Variants in SEMA5A observed in about 807,000 individuals in gnomAD.
The protein encoded by SEMA5A is semaphorin 5A.
A neutral mutation model predicts 135.5 loss-of-function variants in SEMA5A; 55 were observed. That is an observed-to-expected ratio of 0.41 (90% CI 0.33 to 0.51). The LOEUF is 0.51. Ranked by LOEUF, SEMA5A falls within the 20% of genes least tolerant of loss-of-function variation. SEMA5A has a pLI of 0.37. For missense variants in SEMA5A, 1,290 were observed against 1,419.9 expected (o/e 0.91, Z 1.47); for synonymous variants, 580 against 546.5 (o/e 1.06, Z -0.85).
intron 12 of SEMA5A, among the ~76,000 whole-genome samples, chr5:9,145,737 C>A (rs1453504272): frequency 6.8e-6 from 1 of 146,816 alleles, no homozygotes; most frequent in Non-Finnish European, 1.5e-5. Context: ...CTCCCTGGTT[C>A]AAGCAATTCC....
chr5:9,223,115 C>T (rs778101489), intron 8 of SEMA5A, among the ~76,000 whole-genome samples: 8 of 152,204 alleles, frequency 5.3e-5, no homozygotes, highest in Non-Finnish European at 7.3e-5. Context: ...ATAGAATCAA[C>T]TGATTCGGTT....
At chr5:9,428,618 T>G (rs976854811) in intron 2 of SEMA5A, among the ~76,000 whole-genome samples, 15 of 152,196 alleles carry the variant, frequency 9.9e-5, no homozygotes, top group African/African-American at 3.6e-4. Flanking sequence ...TTTGGTACAC[T>G]GTAAGTGATG....
rs1735882467 is a variant in SEMA5A at position 9,040,161 on chromosome 5, A to C, written c.*2736T>G. 1 of 152,242 alleles carries C rather than the reference A, an allele frequency of 6.6e-6. No homozygotes were observed. The highest frequency in any genetic ancestry group is 1.5e-5 in the Non-Finnish European group (1 of 68,052). 9.4% of individuals were successfully genotyped at this position (152,242 alleles called of 1,614,324 possible). A position where few individuals can be genotyped will look rare whatever the true frequency, so the allele number is the denominator to read the frequency against. On this transcript the variant is annotated 3_prime_UTR_variant, in exon 23 of 23. Coordinates refer to ENST00000382496, the MANE Select transcript of SEMA5A (RefSeq NM_003966.3). ...TGTACCAAGAAAATAGGAAGAAAGG[A>C]AGAATTAAAGAAAGAAGAAAGGAAA...
chr5:9,099,535 T>TAA (rs1739508527), intron 16 of SEMA5A, among the ~76,000 whole-genome samples: 1 of 152,184 alleles, frequency 6.6e-6, no homozygotes, highest in Non-Finnish European at 1.5e-5. Flanking sequence ...ACCTTCTTCA[T>TAA]AAAGGTCAAG....
At chr5:9,402,564 C>G (rs1406649975) in intron 2 of SEMA5A, among the ~76,000 whole-genome samples, 1 of 150,216 alleles carries the variant, frequency 6.7e-6, no homozygotes, top group Non-Finnish European at 1.5e-5. Context: ...TACCATCTAC[C>G]TGTCAAGGTT....
At chr5:9,531,725 G>A (rs1375084462) in intron 1 of SEMA5A, among the ~76,000 whole-genome samples, 1 of 152,172 alleles carries the variant, frequency 6.6e-6, no homozygotes, top group African/African-American at 2.4e-5. Context: ...GATACCGAGA[G>A]AGGAAAAACC....
chr5:9,114,659 G>A (rs1347761747), intron 15 of SEMA5A, among the ~76,000 whole-genome samples: 3 of 152,168 alleles, frequency 2.0e-5, no homozygotes, highest in Non-Finnish European at 2.9e-5. Context: ...AGTGTTGAAG[G>A]TGCTGCTTGG....
intron 4 of SEMA5A, among the ~76,000 whole-genome samples, chr5:9,335,951 G>T (rs1753370831): frequency 6.6e-6 from 1 of 152,070 alleles, no homozygotes; most frequent in Non-Finnish European, 1.5e-5. Flanking sequence ...TCTGATAAGG[G>T]TGACTTGTCA....
intron 16 of SEMA5A, among the ~76,000 whole-genome samples, chr5:9,105,702 G>A (rs1739875274): frequency 6.6e-6 from 1 of 152,144 alleles, no homozygotes; most frequent in African/African-American, 2.4e-5. Context: ...ATGACACTGA[G>A]ACTCAGAAAT....
intron 1 of SEMA5A, among the ~76,000 whole-genome samples, chr5:9,538,300 A>G (rs1737889287): frequency 6.6e-6 from 1 of 151,794 alleles, no homozygotes. Context: ...GGTGGGAAAC[A>G]CTCCCCTTTA....
At chr5:9,108,018 C>T in intron 16 of SEMA5A, 122 bp downstream of exon 16, 10 of 1,265,798 alleles carry the variant, frequency 7.9e-6, no homozygotes, top group Non-Finnish European at 1.1e-5. Flanking sequence ...TGCAGAGCCT[C>T]TAGTGTGTGC....
intron 21 of SEMA5A, among the ~76,000 whole-genome samples, chr5:9,046,126 T>C (rs1237372309): frequency 6.6e-6 from 1 of 152,214 alleles, no homozygotes; most frequent in Non-Finnish European, 1.5e-5. Context: ...CATGGGGTAC[T>C]GGCCTCATGT....
At chr5:9,147,376 G>A (rs141233452) in intron 12 of SEMA5A, among the ~76,000 whole-genome samples, 2,577 of 151,906 alleles carry the variant, frequency 0.017, 72 homozygotes, top group African/African-American at 0.058. Flanking sequence ...GGGTTTAAGC[G>A]ATTCTCCTGC....
intron 15 of SEMA5A, among the ~76,000 whole-genome samples, chr5:9,118,470 A>T (rs1427121226): frequency 1.3e-5 from 2 of 152,202 alleles, no homozygotes; most frequent in Non-Finnish European, 2.9e-5. Flanking sequence ...AAAGCTCAAA[A>T]TACACGTGGA....
chr5:9,241,648 T>C (rs901160434), intron 5 of SEMA5A, among the ~76,000 whole-genome samples: 6 of 151,796 alleles, frequency 4.0e-5, no homozygotes, highest in South Asian at 4.2e-4. Flanking sequence ...AAAGCCCCCA[T>C]TGTTTCAAGG....
intron 1 of SEMA5A, among the ~76,000 whole-genome samples, chr5:9,503,443 C>G (rs1424684766): frequency 6.6e-6 from 1 of 152,116 alleles, no homozygotes; most frequent in Admixed American, 6.5e-5. Context: ...ATGAAAAGCT[C>G]CCAGTGAGTT....
At chr5:9,224,462 G>T (rs766322133) in intron 8 of SEMA5A, among the ~76,000 whole-genome samples, 1 of 151,830 alleles carries the variant, frequency 6.6e-6, no homozygotes, top group African/African-American at 2.4e-5. Flanking sequence ...ATATTATCAT[G>T]GTTAGAGTGT....
rs536396685 is a variant in SEMA5A, at chr5:9,376,419, C to T, written c.124+3404G>A. Among the ~76,000 whole-genome samples the T allele has an allele frequency of 2.6e-5, 4 of 152,318 alleles. No individual in the cohort carries two copies. The East Asian group carries it at 7.7e-4, about 29-fold the overall frequency. On this transcript the variant is annotated intron_variant, in intron 3 of 22. Transcript: ENST00000382496. ...TTTTGTAAACACCTTCTAACAATCA[C>T]TTGGGATGCAGTTCTGGCATGGCTT...
rs17238609 is a variant in SEMA5A, at chr5:9,136,534, C to T, written c.1569G>A (p.Thr523=). 1.1e-5 allele frequency: 18 copies of T among 1,613,930 alleles called. No homozygotes were observed. Among genetic ancestry groups the T allele is most frequent in the Admixed American group, 3.3e-5 (2 of 60,002 alleles). Residue 523 remains threonine, a synonymous_variant, in exon 13 of 23, where the codon ACG becomes ACA. Transcript: ENST00000382496. The stretch of plus-strand genomic sequence containing the variant: ...ACGCAGAGATGCTCTGTTCCCACTG[C>T]GTCATGCTCAGGCTCTCCTCCAGGC... ...CTSLEESLSM[T]QWEQSISACP... is the part of the protein sequence containing the mutation.
Sources: gnomAD v4.1 joint callset for allele counts (sites outside exome capture counted in the v4.1 genomes callset) on GRCh38, gnomAD v4.1.1 for gene constraint, MANE v1.5 for transcripts, NCBI Gene and HGNC (gene_info 2026-07-23, HGNC 2026-07-21) for gene names.